Variants in GRID1 observed in about 807,000 individuals in gnomAD.
GRID1 encodes the protein glutamate ionotropic receptor delta type subunit 1, also known as glutamate receptor ionotropic, delta-1.
A neutral mutation model predicts 98.0 loss-of-function variants in GRID1; 28 were observed. That is an observed-to-expected ratio of 0.29 (90% CI 0.21 to 0.39). The LOEUF (loss-of-function observed/expected upper bound fraction) is 0.39. GRID1 is among the 10% of genes least tolerant of loss of function. The probability of loss-of-function intolerance (pLI) is 1.00; values close to 1 mark genes in which losing one functional copy is unlikely to be tolerated. For missense variants in GRID1, 1,111 were observed against 1,340.5 expected (o/e 0.83, Z 2.67); for synonymous variants, 553 against 538.5 (o/e 1.03, Z -0.37).
intron 5 of GRID1, among the ~76,000 whole-genome samples, chr10:85,869,760 A>G (rs878873615): frequency 6.6e-6 from 1 of 152,174 alleles, no homozygotes; most frequent in Non-Finnish European, 1.5e-5. Flanking sequence ...ATCAGGCCCT[A>G]TCCTGTCCCA....
In GRID1 at chr10:85,727,788, A is replaced by C. The variant is rs547797254; in HGVS notation, c.1533+67T>G. The C allele has an allele frequency of 8.1e-6, 10 of 1,232,410 alleles. 1 individual carries two copies. In the Middle Eastern group the frequency reaches 8.1e-4, roughly 100 times the overall value. The allele number at this position is 1,232,410 out of a possible 1,614,324, so 76.3% of individuals were successfully genotyped here. ...CAAGGTTTCCACTGTGCAATTGGTCAAGTTTAGATATTACCCCAGAGGAAG... is the reference window on the plus strand; with the variant it reads ...CAAGGTTTCCACTGTGCAATTGGTCCAGTTTAGATATTACCCCAGAGGAAG... On this transcript the variant is annotated intron_variant, in intron 10 of 15. Coordinates refer to ENST00000327946, the MANE Select transcript of GRID1 (RefSeq NM_017551.3).
At chr10:85,661,329 T>C (rs1342608452) in intron 12 of GRID1, among the ~76,000 whole-genome samples, 1 of 152,200 alleles carries the variant, frequency 6.6e-6, no homozygotes, top group African/African-American at 2.4e-5. Flanking sequence ...TGCTGTGATA[T>C]TTCATGATTC....
intron 8 of GRID1, among the ~76,000 whole-genome samples, chr10:85,792,583 G>C (rs1371835115): frequency 6.6e-6 from 1 of 152,152 alleles, no homozygotes; most frequent in Admixed American, 6.5e-5. Context: ...AAGGCCTCAG[G>C]ATCCTGGTCT....
At chr10:85,727,283 A>G (rs1423132801) in intron 10 of GRID1, among the ~76,000 whole-genome samples, 1 of 152,208 alleles carries the variant, frequency 6.6e-6, no homozygotes, top group Non-Finnish European at 1.5e-5. Flanking sequence ...ATAAATAATC[A>G]TGGGGAAATG....
At chr10:85,635,246 C>A (rs1035702031) in intron 13 of GRID1, among the ~76,000 whole-genome samples, 1 of 152,124 alleles carries the variant, frequency 6.6e-6, no homozygotes, top group Admixed American at 6.5e-5. Context: ...ATAAGGGAGG[C>A]ACAGTGGGGG....
chr10:86,254,563 C>T (rs746496609), intron 2 of GRID1, among the ~76,000 whole-genome samples: 9 of 151,080 alleles, frequency 6.0e-5, no homozygotes, highest in Non-Finnish European at 8.8e-5. Flanking sequence ...TTTCAAAACC[C>T]TTGATACTCA....
At chr10:85,964,345 CA>C (rs1199541560) in intron 4 of GRID1, among the ~76,000 whole-genome samples, 1 of 152,028 alleles carries the variant, frequency 6.6e-6, no homozygotes, top group Non-Finnish European at 1.5e-5. Flanking sequence ...CAATCCTAAG[CA>C]AAAAGAACAA....
intron 12 of GRID1, among the ~76,000 whole-genome samples, chr10:85,668,613 C>G (rs912408838): frequency 3.3e-5 from 5 of 152,088 alleles, no homozygotes; most frequent in African/African-American, 1.2e-4. Flanking sequence ...TTTTATAGAC[C>G]TAAAAAATGA....
chr10:85,894,943 G>A (rs1174018422), intron 5 of GRID1, among the ~76,000 whole-genome samples: 1 of 148,960 alleles, frequency 6.7e-6, no homozygotes, highest in African/African-American at 2.5e-5. Context: ...GAGAGCTGGA[G>A]GTTGCAGTGA....
chr10:85,757,647 C>T lies in GRID1; in HGVS notation c.1234-28033G>A, dbSNP rs562327208. On this transcript the variant is annotated intron_variant, in intron 8 of 15. Coordinates refer to ENST00000327946, the MANE Select transcript of GRID1 (RefSeq NM_017551.3). ...AGAGCCTACTGGGGGACACTAAAGA[C>T]GAGGAACAGGAGCTGAAGTTGGTCC... Among the ~76,000 whole-genome samples the T allele has an allele frequency of 8.9e-4, 135 of 152,280 alleles. 1 individual carries two copies. Among genetic ancestry groups the T allele is most frequent in the African/African-American group, 3.1e-3 (128 of 41,554 alleles).
chr10:85,765,444 CAA>C (rs1477807718), intron 8 of GRID1, among the ~76,000 whole-genome samples: 1 of 152,152 alleles, frequency 6.6e-6, no homozygotes, highest in African/African-American at 2.4e-5. Flanking sequence ...TCTGAAAATG[CAA>C]AATCCAAAAT....
intron 5 of GRID1, among the ~76,000 whole-genome samples, chr10:85,876,393 C>T (rs1455368808): frequency 6.6e-6 from 1 of 152,124 alleles, no homozygotes; most frequent in Non-Finnish European, 1.5e-5. Context: ...TTCTTTCATA[C>T]AGTCAAACCT....
At position 85,759,368 on chromosome 10, in the gene GRID1, G is replaced by A. The variant is rs533198051; in HGVS notation, c.1234-29754C>T. On this transcript the variant is annotated intron_variant, in intron 8 of 15. Transcript: ENST00000327946. ...TTAAAACCCTAGAGTCTGGTCAGGT[G>A]CTGAATGCAGCTGCTCTTGGGAAAA... Among the ~76,000 whole-genome samples, 3 of 152,314 alleles carry A rather than the reference G, an allele frequency of 2.0e-5. No individual in the cohort carries two copies. The East Asian group carries it at 5.8e-4, about 29-fold the overall frequency.
In GRID1 at chr10:85,788,277, G is replaced by T. The variant is rs915284629; in HGVS notation, c.1234-58663C>A. 1.3e-5 allele frequency among the ~76,000 whole-genome samples: 2 copies of T among 152,110 alleles called. 1 individual carries two copies. The highest frequency in any genetic ancestry group is 1.3e-4 in the Admixed American group (2 of 15,282). The stretch of plus-strand genomic sequence containing the variant: ...TTATAAAACATGGCCAAGGCAGGGA[G>T]GCGCAGTGAGCCTGGCCAGAAGAGG... On this transcript the variant is annotated intron_variant, in intron 8 of 15. Coordinates refer to ENST00000327946, the MANE Select transcript of GRID1 (RefSeq NM_017551.3).
chr10:85,900,463 G>T (rs1407860192), intron 5 of GRID1, among the ~76,000 whole-genome samples: 2 of 152,318 alleles, frequency 1.3e-5, no homozygotes, highest in African/African-American at 4.8e-5. Context: ...TACATTTGCT[G>T]CATATGGTAA....
chr10:85,741,559 A>G (rs1339798426), intron 8 of GRID1, among the ~76,000 whole-genome samples: 6 of 152,086 alleles, frequency 3.9e-5, no homozygotes, highest in Admixed American at 3.9e-4. Context: ...TCAGGGTACC[A>G]TCATTTTTTG....
At chr10:85,739,958 T>A (rs1312715150) in intron 8 of GRID1, among the ~76,000 whole-genome samples, 1 of 152,230 alleles carries the variant, frequency 6.6e-6, no homozygotes, top group Non-Finnish European at 1.5e-5. Context: ...TCTCTTGCAC[T>A]ACACTGTACT....
intron 2 of GRID1, among the ~76,000 whole-genome samples, chr10:86,268,572 C>G (rs553489489): frequency 6.6e-6 from 1 of 152,224 alleles, no homozygotes; most frequent in Non-Finnish European, 1.5e-5. Flanking sequence ...GGGTCAGGGA[C>G]TCGAATAGGA....
chr10:85,606,101 C>T (rs1339248243), intron 15 of GRID1: 2 of 152,184 alleles, frequency 1.3e-5, no homozygotes, highest in African/African-American at 4.8e-5. Flanking sequence ...ATAACTAGTT[C>T]TCTGCCAGTC....
Sources: gnomAD v4.1 joint callset for allele counts (sites outside exome capture counted in the v4.1 genomes callset) on GRCh38, gnomAD v4.1.1 for gene constraint, MANE v1.5 for transcripts, NCBI Gene and HGNC (gene_info 2026-07-23, HGNC 2026-07-21) for gene names.